The following DISC1 variants were observed in gnomAD, a reference collection of about 807,000 sequenced individuals.
DISC1 encodes the protein DISC1 scaffold protein, also known as disrupted in schizophrenia 1 protein.
A neutral mutation model predicts 84.5 loss-of-function variants in DISC1; 57 were observed. That is an observed-to-expected ratio of 0.67 (90% CI 0.55 to 0.84). The LOEUF (loss-of-function observed/expected upper bound fraction) is 0.84. Ranked by LOEUF, DISC1 falls within the 40% of genes least tolerant of loss-of-function variation. The pLI is 0.00. For missense variants in DISC1, 1,000 were observed against 1,057.8 expected, an observed-to-expected ratio of 0.95 and a Z score of 0.76; for synonymous variants, 411 against 415.2, an observed-to-expected ratio of 0.99 and a Z score of 0.12.
At chr1:231,885,968 G>A (rs1348636501) in intron 9 of DISC1, among the ~76,000 whole-genome samples, 1 of 152,176 alleles carries the variant, frequency 6.6e-6, no homozygotes, top group Non-Finnish European at 1.5e-5. Flanking sequence ...TGGAGACTGG[G>A]AAGTTCAAGA....
chr1:231,669,251 G>T (rs990002960), intron 1 of DISC1, among the ~76,000 whole-genome samples: 1 of 151,992 alleles, frequency 6.6e-6, no homozygotes, highest in African/African-American at 2.4e-5. Context: ...CAAAATAGGG[G>T]TTATCAAAAC....
intron 9 of DISC1, among the ~76,000 whole-genome samples, chr1:231,900,646 C>A (rs1307980590): frequency 6.6e-6 from 1 of 152,094 alleles, no homozygotes; most frequent in Non-Finnish European, 1.5e-5. Flanking sequence ...TTTCAGAAAG[C>A]TTTGCAAGGA....
In DISC1 at chr1:232,038,790, T is replaced by C. The variant is rs968308752; in HGVS notation, c.*1959T>C. 12 of 152,176 alleles carry C rather than the reference T, an allele frequency of 7.9e-5. No homozygotes were observed. The allele number at this position is 152,176 out of a possible 1,614,324, so 9.4% of individuals were successfully genotyped here. The stretch of plus-strand genomic sequence containing the variant: ...GTTTGTGCTTCTGTTCTCATTTATG[T>C]GTTTAGGGATAGTGAGGTTCCTGCC... On this transcript the variant is annotated 3_prime_UTR_variant, in exon 13 of 13. Transcript: ENST00000439617.
intron 6 of DISC1, among the ~76,000 whole-genome samples, chr1:231,777,831 T>A (rs1164630489): frequency 6.6e-6 from 1 of 152,256 alleles, no homozygotes; most frequent in East Asian, 1.9e-4. Context: ...ATAAGGTTTG[T>A]TGGGCAATAT....
At chr1:231,991,814 C>T (rs1273914348) in intron 10 of DISC1, among the ~76,000 whole-genome samples, 1 of 152,104 alleles carries the variant, frequency 6.6e-6, no homozygotes, top group Admixed American at 6.5e-5. Context: ...AAGCTGTTAG[C>T]AGTTTTAAGT....
intron 8 of DISC1, among the ~76,000 whole-genome samples, chr1:231,803,685 A>G (rs565008676): frequency 6.6e-6 from 1 of 152,246 alleles, no homozygotes; most frequent in Non-Finnish European, 1.5e-5. Context: ...GCGGTGGCTC[A>G]CGCCTATAAT....
At chr1:231,730,465 C>G (rs1034797518) in intron 3 of DISC1, among the ~76,000 whole-genome samples, 1 of 152,142 alleles carries the variant, frequency 6.6e-6, no homozygotes, top group Admixed American at 6.5e-5. Flanking sequence ...ACATGTTGTG[C>G]AGGTTTGTGA....
intron 5 of DISC1, among the ~76,000 whole-genome samples, chr1:231,768,743 A>T (rs1385873083): frequency 1.3e-5 from 2 of 152,240 alleles, no homozygotes; most frequent in East Asian, 3.8e-4. Flanking sequence ...GATAGACAAT[A>T]AGTGATAAAC....
In DISC1 at chr1:232,040,859, AG is replaced by A. The variant is rs975651609; in HGVS notation, c.*4030del. On this transcript the variant is annotated 3_prime_UTR_variant, in exon 13 of 13. Coordinates refer to ENST00000439617, the MANE Select transcript of DISC1 (RefSeq NM_018662.3). ...GATCTAACCATTCCCCAGTCATCCCAGGAAAACCACTCACAGCCTGACACTG... is the reference window on the plus strand; with the variant it reads ...GATCTAACCATTCCCCAGTCATCCCAGAAAACCACTCACAGCCTGACACTG... 7.9e-5 allele frequency: 12 copies of A among 152,222 alleles called. No homozygotes were observed. The highest frequency in any genetic ancestry group is 2.9e-4 in the African/African-American group (12 of 41,450). 9.4% of individuals were successfully genotyped at this position (152,222 alleles called of 1,614,324 possible).
intron 1 of DISC1, among the ~76,000 whole-genome samples, chr1:231,628,919 T>A (rs1340593047): frequency 6.6e-6 from 1 of 151,972 alleles, no homozygotes; most frequent in African/African-American, 2.4e-5. Context: ...TTTTTTTTTT[T>A]AGAGTTGGAG....
chr1:231,694,610 C>T lies in DISC1; in HGVS notation c.852C>T (p.Ser284=). Residue 284 remains serine (S), a synonymous_variant, in exon 2 of 13, where the codon AGC becomes AGT. Transcript: ENST00000439617. ...ACTTGGCCCAGGCCGCAAGGAACAG[C>T]TCCAGGCCAGAGCGTGACATGCATT... The part of the protein sequence containing the change: ...SADLAQAARN[S]SRPERDMHSL... 1 of 1,614,274 alleles carries T rather than the reference C, an allele frequency of 6.2e-7. No homozygotes were observed. The highest frequency in any genetic ancestry group is 8.5e-7 in the Non-Finnish European group (1 of 1,180,050).
chr1:231,836,802 G>A (rs2082661519), intron 9 of DISC1, among the ~76,000 whole-genome samples: 1 of 152,142 alleles, frequency 6.6e-6, no homozygotes, highest in Non-Finnish European at 1.5e-5. Flanking sequence ...TCTGGATAAA[G>A]TGCGCTAAGC....
chr1:231,876,835 A>G lies in DISC1; in HGVS notation c.1981+58318A>G, dbSNP rs117165787. On this transcript the variant is annotated intron_variant, in intron 9 of 12. Coordinates refer to ENST00000439617, the MANE Select transcript of DISC1 (RefSeq NM_018662.3). ...TGCTGCCTCAGTGACAGGTGTGTGG[A>G]TTTACTTTGTCCCTCCCACCTTTCT... Among the ~76,000 whole-genome samples the G allele has an allele frequency of 5.3e-5, 8 of 152,204 alleles. No homozygotes were observed. In the East Asian group the frequency reaches 9.6e-4, roughly 18 times the overall value.
chr1:231,770,507 C>A (rs953698375), intron 5 of DISC1, among the ~76,000 whole-genome samples: 2 of 152,124 alleles, frequency 1.3e-5, no homozygotes, highest in African/African-American at 2.4e-5. Flanking sequence ...GCATGAGGCT[C>A]CCTGCCCTGT....
At chr1:231,856,879 A>G (rs1462560799) in intron 9 of DISC1, among the ~76,000 whole-genome samples, 5 of 152,180 alleles carry the variant, frequency 3.3e-5, no homozygotes, top group Non-Finnish European at 5.9e-5. Context: ...TAAAAGCCGG[A>G]GTGATCAGGC....
intron 10 of DISC1, among the ~76,000 whole-genome samples, chr1:231,978,720 G>C (rs146873168): frequency 1.1e-3 from 160 of 152,260 alleles, no homozygotes; most frequent in African/African-American, 3.8e-3. Flanking sequence ...CATTAACCTA[G>C]AAACTTCATT....
chr1:231,700,748 A>C (rs2066312047), intron 2 of DISC1, among the ~76,000 whole-genome samples: 1 of 152,220 alleles, frequency 6.6e-6, no homozygotes, highest in Admixed American at 6.5e-5. Context: ...ACTAAGAGGC[A>C]CTCAGTAAAT....
intron 10 of DISC1, among the ~76,000 whole-genome samples, chr1:232,000,102 T>A (rs1296713764): frequency 6.6e-6 from 1 of 152,034 alleles, no homozygotes; most frequent in Non-Finnish European, 1.5e-5. Flanking sequence ...TATCACAGCT[T>A]GGATGAGGAA....
rs547981455 is a variant in DISC1, at chr1:231,886,754, T to TCTTCCTTC, written c.1981+68245_1981+68252dup. On this transcript the variant is annotated intron_variant, in intron 9 of 12. Coordinates refer to ENST00000439617, the MANE Select transcript of DISC1 (RefSeq NM_018662.3). The stretch of plus-strand genomic sequence containing the variant: ...CTGACTTTCTTTCTCTTTCTTCCTT[T>TCTTCCTTC]CTTCCTTCCTTCCTTTCTTTCTTTC... 4.4e-3 allele frequency among the ~76,000 whole-genome samples: 542 copies of TCTTCCTTC among 124,144 alleles called. 3 individuals are homozygous for TCTTCCTTC. Among genetic ancestry groups the TCTTCCTTC allele is most frequent in the Middle Eastern group, 0.013 (3 of 236 alleles). The allele number at this position is 124,144 out of a possible 152,430, so 81.4% of individuals were successfully genotyped here.
Sources: gnomAD v4.1 joint callset for allele counts (sites outside exome capture counted in the v4.1 genomes callset) on GRCh38, gnomAD v4.1.1 for gene constraint, MANE v1.5 for transcripts, NCBI Gene and HGNC (gene_info 2026-07-23, HGNC 2026-07-21) for gene names.